NAALADL2: variants seen among roughly 807,000 people sequenced by gnomAD.
The protein encoded by NAALADL2 is N-acetylated alpha-linked acidic dipeptidase like 2, also known as inactive N-acetylated-alpha-linked acidic dipeptidase-like protein 2.
NAALADL2 carries 76 observed loss-of-function variants against 87.2 expected under a neutral mutation model. That is an observed-to-expected ratio of 0.87 (90% CI 0.72 to 1.05). The LOEUF is 1.05. NAALADL2 is among the 50% of genes least tolerant of loss of function. The pLI is 0.00. For synonymous variants in NAALADL2, 354 were observed against 331.0 expected (o/e 1.07, Z -0.75); for missense variants, 1,089 against 945.8 (o/e 1.15, Z -1.99).
At chr3:175,314,692 A>AGT (rs1450498023) in intron 4 of NAALADL2, among the ~76,000 whole-genome samples, 1,161 of 68,312 alleles carry the variant, frequency 0.017, 65 homozygotes, top group Middle Eastern at 0.038. Context: ...ATATATATAT[A>AGT]TATATATATA....
chr3:174,717,354 T>A (rs1731283010), intron 2 of NAALADL2, among the ~76,000 whole-genome samples: 2 of 152,270 alleles, frequency 1.3e-5, no homozygotes, highest in African/African-American at 4.8e-5. Context: ...ACTTTCAGTT[T>A]GTCGGCTGAA....
At chr3:175,392,419 C>A (rs987750916) in intron 5 of NAALADL2, among the ~76,000 whole-genome samples, 8 of 152,160 alleles carry the variant, frequency 5.3e-5, no homozygotes, top group African/African-American at 1.9e-4. Flanking sequence ...ACAAATCTTA[C>A]ATTCTAGTGA....
At chr3:174,528,848 T>C (rs1720993420) in intron 1 of NAALADL2, among the ~76,000 whole-genome samples, 1 of 152,060 alleles carries the variant, frequency 6.6e-6, no homozygotes, top group Admixed American at 6.5e-5. Flanking sequence ...TGGGAAAGAT[T>C]TGCCTGCAAG....
intron 1 of NAALADL2, among the ~76,000 whole-genome samples, chr3:175,006,582 T>A (rs1749051801): frequency 6.6e-6 from 1 of 151,942 alleles, no homozygotes; most frequent in African/African-American, 2.4e-5. Flanking sequence ...TTTTTTCTTG[T>A]TTCTTTTTTT....
intron 9 of NAALADL2, among the ~76,000 whole-genome samples, chr3:175,556,467 A>AT (rs1288561228): frequency 2.0e-5 from 3 of 152,200 alleles, no homozygotes; most frequent in African/African-American, 7.2e-5. Flanking sequence ...GAATAAGATA[A>AT]TATACCTTAA....
chr3:174,886,849 C>T (rs61570424), intron 1 of NAALADL2, among the ~76,000 whole-genome samples: 1 of 152,088 alleles, frequency 6.6e-6, no homozygotes, highest in African/African-American at 2.4e-5. Context: ...CCTACTTCTC[C>T]TTTTATATTA....
intron 3 of NAALADL2, among the ~76,000 whole-genome samples, chr3:174,784,200 C>A (rs945706042): frequency 2.0e-5 from 3 of 152,126 alleles, no homozygotes; most frequent in African/African-American, 7.2e-5. Context: ...AAAATAATAT[C>A]ACACACTTCT....
chr3:175,277,351 G>A (rs999996842), intron 4 of NAALADL2, among the ~76,000 whole-genome samples: 7 of 152,078 alleles, frequency 4.6e-5, no homozygotes, highest in Admixed American at 6.5e-5. Context: ...ATCTGATAAC[G>A]AGCAATAAAC....
At chr3:175,293,975 A>T (rs761530044) in intron 4 of NAALADL2, among the ~76,000 whole-genome samples, 9 of 152,208 alleles carry the variant, frequency 5.9e-5, no homozygotes, top group Non-Finnish European at 1.0e-4. Flanking sequence ...TAAAGAAGAC[A>T]TCCTAGTGCA....
intron 3 of NAALADL2, among the ~76,000 whole-genome samples, chr3:174,813,381 A>T (rs962848052): frequency 4.1e-4 from 31 of 76,154 alleles, no homozygotes; most frequent in African/African-American, 1.8e-3. Context: ...CTTTTTTAAT[A>T]CTCTATTTTT....
chr3:174,965,377 T>C (rs1742719313), intron 1 of NAALADL2, among the ~76,000 whole-genome samples: 1 of 138,682 alleles, frequency 7.2e-6, no homozygotes, highest in Non-Finnish European at 1.5e-5. Flanking sequence ...ACTTCTGTCC[T>C]ATTCTATTCG....
chr3:175,164,629 G>T lies in NAALADL2; in HGVS notation c.545+67338G>T, dbSNP rs73881412. ...AGTTTGAATAATATTGGTCACTCTG[G>T]ATAGAAAAATATTAACTGGGAAGAG... On this transcript the variant is annotated intron_variant, in intron 2 of 13. Transcript: ENST00000454872. 8.2e-3 allele frequency among the ~76,000 whole-genome samples: 1,254 copies of T among 152,224 alleles called. 16 individuals are homozygous for T. Among genetic ancestry groups the T allele is most frequent in the African/African-American group, 0.027 (1,127 of 41,554 alleles).
intron 2 of NAALADL2, among the ~76,000 whole-genome samples, chr3:174,663,007 A>T (rs2108782474): frequency 6.6e-6 from 1 of 152,274 alleles, no homozygotes; most frequent in South Asian, 2.1e-4. Flanking sequence ...TTATTTATCT[A>T]TTTTTTGTAG....
chr3:175,640,049 A>G (rs562368499), intron 11 of NAALADL2, among the ~76,000 whole-genome samples: 1 of 152,354 alleles, frequency 6.6e-6, no homozygotes, highest in South Asian at 2.1e-4. Flanking sequence ...TAGAAAATTT[A>G]AAAACGTGAT....
At chr3:175,127,955 G>A (rs1316596547) in intron 2 of NAALADL2, among the ~76,000 whole-genome samples, 1 of 152,094 alleles carries the variant, frequency 6.6e-6, no homozygotes, top group Non-Finnish European at 1.5e-5. Flanking sequence ...TGTAGTTATA[G>A]TTCATTGATT....
At chr3:175,344,105 T>G (rs1410869368) in intron 5 of NAALADL2, among the ~76,000 whole-genome samples, 1 of 152,118 alleles carries the variant, frequency 6.6e-6, no homozygotes, top group Non-Finnish European at 1.5e-5. Flanking sequence ...ATGGACTGCT[T>G]TTATAAAATC....
intron 11 of NAALADL2, among the ~76,000 whole-genome samples, chr3:175,687,551 C>T (rs770788451): frequency 6.6e-6 from 1 of 152,114 alleles, no homozygotes; most frequent in Non-Finnish European, 1.5e-5. Flanking sequence ...AGTTATGTGA[C>T]TAGCAAACAG....
Position 174,848,825 on chromosome 3 carries a change from G to A in NAALADL2, c.-9+111079G>A, listed in dbSNP as rs185341486. Among the ~76,000 whole-genome samples the A allele has an allele frequency of 3.5e-3, 529 of 152,198 alleles. 2 individuals carry two copies. The highest frequency in any genetic ancestry group is 4.2e-3 in the Non-Finnish European group (287 of 68,012). Reference sequence around the variant, plus strand: ...TACTTCATAGAGCAAACATTATAGAGTATAAAAATATAGAGGTTATAGCTT... The same window carrying A: ...TACTTCATAGAGCAAACATTATAGAATATAAAAATATAGAGGTTATAGCTT... On this transcript the variant is annotated intron_variant, in intron 3 of 3. Coordinates refer to the NAALADL2 transcript ENST00000434257.
intron 3 of NAALADL2, among the ~76,000 whole-genome samples, chr3:174,828,202 C>G (rs1208249869): frequency 7.2e-6 from 1 of 138,418 alleles, no homozygotes; most frequent in African/African-American, 2.9e-5. Flanking sequence ...AACAAAGATT[C>G]TCTCAATCTT....
Sources: allele counts gnomAD v4.1 joint callset (sites outside exome capture counted in the v4.1 genomes callset), GRCh38; gene constraint gnomAD v4.1.1; transcripts MANE v1.5; gene names NCBI Gene and HGNC (gene_info 2026-07-23, HGNC 2026-07-21).